The following MAF variants were observed in gnomAD, a reference collection of about 807,000 sequenced individuals.
MAF encodes transcription factor Maf.
A neutral mutation model predicts 22.0 loss-of-function variants in MAF; 10 were observed. The observed-to-expected ratio is 0.45, with a 90% CI of 0.28 to 0.77. The LOEUF (loss-of-function observed/expected upper bound fraction) is 0.77, where lower values mean the gene tolerates loss of function less well. Among genes scored for constraint, MAF ranks in the 30% least tolerant of loss-of-function variants. MAF has a pLI of 0.12. For missense variants in MAF, 544 were observed against 548.4 expected, an observed-to-expected ratio of 0.99 and a Z score of 0.08; for synonymous variants, 337 against 255.8, an observed-to-expected ratio of 1.32 and a Z score of -3.03.
At chr16:79,469,213 A>G in the MAF span, among the ~76,000 whole-genome samples, 1 of 152,198 alleles carries the variant, frequency 6.6e-6, no homozygotes, top group Non-Finnish European at 1.5e-5. Flanking sequence ...TTTACATTGT[A>G]TATGGCTGCT....
At chr16:79,438,502 G>C in the MAF span, among the ~76,000 whole-genome samples, 1 of 152,210 alleles carries the variant, frequency 6.6e-6, no homozygotes, top group East Asian at 1.9e-4. Flanking sequence ...GGGGCAGTGG[G>C]AAGTGGCATT....
chr16:79,573,949 G>A, the MAF span, among the ~76,000 whole-genome samples: 4 of 152,248 alleles, frequency 2.6e-5, no homozygotes, highest in East Asian at 7.7e-4. Context: ...TCTCCCGTTC[G>A]TTTGCCTGTT....
At chr16:79,427,945 A>G in the MAF span, among the ~76,000 whole-genome samples, 2 of 152,032 alleles carry the variant, frequency 1.3e-5, no homozygotes, top group South Asian at 2.1e-4. Flanking sequence ...GTGTGAATGA[A>G]TAAGTGAAGG....
At chr16:79,312,044 C>A in the MAF span, among the ~76,000 whole-genome samples, 1 of 152,172 alleles carries the variant, frequency 6.6e-6, no homozygotes, top group Non-Finnish European at 1.5e-5. Flanking sequence ...CTCTCAATCT[C>A]ATTTTTCACT....
At chr16:79,506,980 G>A in the MAF span, among the ~76,000 whole-genome samples, 1 of 152,176 alleles carries the variant, frequency 6.6e-6, no homozygotes, top group African/African-American at 2.4e-5. Flanking sequence ...CATTCCTTCT[G>A]TAAACCTAAG....
the MAF span, among the ~76,000 whole-genome samples, chr16:79,299,273 G>A: frequency 1.1e-4 from 16 of 150,624 alleles, no homozygotes; most frequent in Non-Finnish European, 1.9e-4. Flanking sequence ...CTAGCTCACA[G>A]CTTCTGCTCT....
the MAF span, among the ~76,000 whole-genome samples, chr16:79,402,516 T>G: frequency 6.6e-6 from 1 of 152,034 alleles, no homozygotes; most frequent in South Asian, 2.1e-4. Flanking sequence ...ACTGGGCCAG[T>G]GGGTGTGACG....
chr16:79,456,385 C>T, the MAF span, among the ~76,000 whole-genome samples: 27 of 152,256 alleles, frequency 1.8e-4, no homozygotes, highest in East Asian at 5.8e-4. Flanking sequence ...GATAGAAATA[C>T]GCCCATTCTG....
the MAF span, among the ~76,000 whole-genome samples, chr16:79,215,130 T>A: frequency 2.6e-5 from 4 of 152,172 alleles, no homozygotes; most frequent in Non-Finnish European, 5.9e-5. Flanking sequence ...GCTCATAAAT[T>A]GATAGAGCTG....
At chr16:79,326,915 G>A in the MAF span, among the ~76,000 whole-genome samples, 17 of 152,278 alleles carry the variant, frequency 1.1e-4, no homozygotes, top group African/African-American at 2.9e-4. Context: ...AAAGAGAAAC[G>A]CAGATGAAGG....
chr16:79,421,638 A>ATTTTTTTTTTTT, the MAF span, among the ~76,000 whole-genome samples: 32 of 144,822 alleles, frequency 2.2e-4, no homozygotes, highest in African/African-American at 6.7e-4. Flanking sequence ...AAGAAAAGTG[A>ATTTTTTTTTTTT]TTTTTTTTTT....
At chr16:79,378,425 C>G in the MAF span, among the ~76,000 whole-genome samples, 1 of 152,120 alleles carries the variant, frequency 6.6e-6, no homozygotes, top group African/African-American at 2.4e-5. Context: ...CTTGGCGAAA[C>G]AAAGCTGTTC....
At chr16:79,365,306 A>C in the MAF span, among the ~76,000 whole-genome samples, 63 of 152,242 alleles carry the variant, frequency 4.1e-4, 1 homozygote, top group Middle Eastern at 6.8e-3. Context: ...TCCATGTAGC[A>C]CTTTTAGCAG....
At chr16:79,514,171 T>C in the MAF span, among the ~76,000 whole-genome samples, 2 of 152,340 alleles carry the variant, frequency 1.3e-5, no homozygotes, top group Admixed American at 1.3e-4. Flanking sequence ...GGAAATAAGC[T>C]CTTCCGGCTT....
At chr16:79,451,405 T>A in the MAF span, among the ~76,000 whole-genome samples, 4 of 152,156 alleles carry the variant, frequency 2.6e-5, no homozygotes, top group Non-Finnish European at 5.9e-5. Flanking sequence ...GGACTCAAGC[T>A]CCTCAGAGAC....
chr16:79,370,794 C>T, the MAF span, among the ~76,000 whole-genome samples: 1 of 152,172 alleles, frequency 6.6e-6, no homozygotes, highest in South Asian at 2.1e-4. Context: ...GAATCCACCT[C>T]CCAATTTCAC....
the MAF span, among the ~76,000 whole-genome samples, chr16:79,370,775 T>C: frequency 2.0e-5 from 3 of 152,292 alleles, no homozygotes; most frequent in African/African-American, 7.2e-5. Context: ...ATAACTGAAA[T>C]AAACTCCAGA....
chr16:79,352,388 T>C, the MAF span, among the ~76,000 whole-genome samples: 1 of 152,094 alleles, frequency 6.6e-6, no homozygotes, highest in African/African-American at 2.4e-5. Flanking sequence ...GGAGGTGTCA[T>C]AGCACTGAGG....
the MAF span, among the ~76,000 whole-genome samples, chr16:79,233,048 G>A: frequency 1.3e-5 from 2 of 151,740 alleles, no homozygotes; most frequent in Non-Finnish European, 1.5e-5. Context: ...CACCGTGTTA[G>A]CCAGGATGGT....
Sources: gnomAD v4.1 joint callset for allele counts (sites outside exome capture counted in the v4.1 genomes callset) on GRCh38, gnomAD v4.1.1 for gene constraint, MANE v1.5 for transcripts, NCBI Gene and HGNC (gene_info 2026-07-23, HGNC 2026-07-21) for gene names.